Variants in CLUL1 observed in about 807,000 individuals in gnomAD.
CLUL1 encodes the protein clusterin like 1.
In CLUL1, 43 loss-of-function variants were observed where a neutral mutation model predicts 49.4. That is an observed-to-expected ratio of 0.87 (90% CI 0.68 to 1.12). The LOEUF is 1.12. Ranked by LOEUF, CLUL1 falls within the 50% of genes most tolerant of loss-of-function variation. CLUL1 has a pLI of 0.00. For missense variants in CLUL1, 486 were observed against 544.4 expected (o/e 0.89, Z 1.07); for synonymous variants, 192 against 184.9 (o/e 1.04, Z -0.31).
Position 641,505 on chromosome 18 carries a change from G to A in CLUL1, c.1173G>A (p.Gln391=). The change falls in exon 8 of 10, where the codon CAG becomes CAA. Residue 391 remains glutamine, a synonymous_variant. Coordinates refer to ENST00000692774, the MANE Select transcript of CLUL1 (RefSeq NM_001393344.1). ...QFGWVSELAN[Q]APETEIIFNS... ...GCTGGGTGTCTGAACTGGCAAACCA[G>A]GCCCCAGAAACAGAGATCATCTTTA... The A allele has an allele frequency of 6.2e-7, 1 of 1,614,184 alleles. No individual in the cohort carries two copies.
intron 7 of CLUL1, among the ~76,000 whole-genome samples, chr18:638,727 A>G (rs148547605): frequency 0.14 from 21,015 of 151,730 alleles, 2,165 homozygotes; most frequent in African/African-American, 0.29. Context: ...GTGTGGTGGT[A>G]CGCACCTGTA....
intron 1 of CLUL1, among the ~76,000 whole-genome samples, chr18:600,079 G>C (rs954515816): frequency 6.6e-6 from 1 of 152,134 alleles, no homozygotes; most frequent in Admixed American, 6.5e-5. Flanking sequence ...GCAAACTGTT[G>C]TTAGATGGAT....
chr18:641,364 C>G lies in CLUL1; in HGVS notation c.1032C>G (p.Asp344Glu), dbSNP rs377720241. 1 of 1,614,036 alleles carries G rather than the reference C, an allele frequency of 6.2e-7. No homozygotes were observed. The highest frequency in any genetic ancestry group is 1.3e-5 in the African/African-American group (1 of 74,920). The change falls in exon 8 of 10, where the codon GAC becomes GAG. Residue 344 changes from aspartate (D) to glutamate (E), a missense_variant. Physicochemically the swap from Asp to Glu is conservative, Grantham distance 45 (BLOSUM62 2). Transcript: ENST00000692774. ...PDVPALHTEL[D>E]EAIRLVNVSN... ...TACCTGCTCTGCACACAGAATTAGA[C>G]GAGGCGATCAGGTTGGTCAATGTAT...
intron 1 of CLUL1, among the ~76,000 whole-genome samples, chr18:604,897 AT>A (rs536563842): frequency 6.0e-4 from 92 of 152,342 alleles, no homozygotes; most frequent in African/African-American, 2.2e-3. Context: ...TAAGGCATGA[AT>A]TCCTGGTGGC....
At chr18:631,229 A>T (rs950754237) in intron 6 of CLUL1, among the ~76,000 whole-genome samples, 3 of 152,124 alleles carry the variant, frequency 2.0e-5, no homozygotes, top group Non-Finnish European at 4.4e-5. Context: ...TTTCTTTCCT[A>T]CCTTGGTCTT....
At position 646,497 on chromosome 18, in the gene CLUL1, G is replaced by C. The variant is rs73943344; in HGVS notation, c.1397+1400G>C. Among the ~76,000 whole-genome samples, 432 of 141,358 alleles carry C rather than the reference G, an allele frequency of 3.1e-3. 3 individuals carry two copies. Among genetic ancestry groups the C allele is most frequent in the African/African-American group, 0.011 (400 of 37,344 alleles). The allele number at this position is 141,358 out of a possible 152,430, so 92.7% of individuals were successfully genotyped here. ...AACAGGGGCACAAGACAGATAGATAGACACACACACACACACACACACACA... is the reference window on the plus strand; with the variant it reads ...AACAGGGGCACAAGACAGATAGATACACACACACACACACACACACACACA... On this transcript the variant is annotated intron_variant, in intron 9 of 9. Coordinates refer to ENST00000692774, the MANE Select transcript of CLUL1 (RefSeq NM_001393344.1).
intron 2 of CLUL1, among the ~76,000 whole-genome samples, chr18:609,131 T>C (rs1388347728): frequency 2.6e-5 from 4 of 152,178 alleles, no homozygotes; most frequent in Non-Finnish European, 5.9e-5. Flanking sequence ...CATATACACC[T>C]TATACACGTA....
At position 606,980 on chromosome 18, in the gene CLUL1, T is replaced by A; in HGVS notation, c.-133T>A. ...CTTTTTTCTTTTCTTTTCTTTAGAG[T>A]TGCGTCCCTCTCGGTTGCCAGGCTG... On this transcript the variant is annotated splice_region_variant and 5_prime_UTR_variant, in exon 2 of 10. In the 5' UTR this introduces an upstream ATG that the reference lacks. Transcript: ENST00000692774. This position sits in a 1 kb window ranked among gnomAD's most constrained non-coding sequence, Gnocchi z 4.1. The A allele has an allele frequency of 1.5e-6, 1 of 645,814 alleles. No homozygotes were observed. The highest frequency in any genetic ancestry group is 2.8e-6 in the Non-Finnish European group (1 of 361,718). The allele number at this position is 645,814 out of a possible 1,614,324, so 40.0% of individuals were successfully genotyped here.
chr18:645,771 G>A (rs1211288181), intron 9 of CLUL1, among the ~76,000 whole-genome samples: 1 of 104,866 alleles, frequency 9.5e-6, no homozygotes, highest in Admixed American at 1.2e-4. Context: ...TCCAGCCTGG[G>A]CGACAGAGCG....
chr18:634,317 G>C (rs1191263142), intron 7 of CLUL1, among the ~76,000 whole-genome samples: 1 of 152,036 alleles, frequency 6.6e-6, no homozygotes, highest in Non-Finnish European at 1.5e-5. Flanking sequence ...ATTTTTAGTA[G>C]GGACGAGGGT....
rs1472914937 is a variant in CLUL1 at position 606,141 on chromosome 18, C to T, written c.-135-837C>T. ...GGGTGGCAGGAAGAACACCCCTCCC[C>T]CAGATGGTATTTAGCGCCTCTGGCT... On this transcript the variant is annotated intron_variant, in intron 1 of 9. Transcript: ENST00000692774. The surrounding 1 kb of genome is among the most constrained non-coding windows in gnomAD (Gnocchi z 4.1). Among the ~76,000 whole-genome samples, 1 of 152,164 alleles carries T rather than the reference C, an allele frequency of 6.6e-6. No individual in the cohort carries two copies. The highest frequency in any genetic ancestry group is 1.5e-5 in the Non-Finnish European group (1 of 68,020).
At chr18:628,921 C>T (rs1382588730) in intron 6 of CLUL1, among the ~76,000 whole-genome samples, 68 of 148,228 alleles carry the variant, frequency 4.6e-4, no homozygotes, top group Non-Finnish European at 1.2e-4. Context: ...GCATGAGCCA[C>T]CACACCCAGC....
At position 618,452 on chromosome 18, in the gene CLUL1, TTAGAG is replaced by T. The variant is rs748449593; in HGVS notation, c.106+349_106+353del. Among the ~76,000 whole-genome samples, 1 of 152,186 alleles carries T rather than the reference TTAGAG, an allele frequency of 6.6e-6. No individual in the cohort carries two copies. Among genetic ancestry groups the T allele is most frequent in the Admixed American group, 6.5e-5 (1 of 15,280 alleles). ...TCTAGCATTTGAAAAATTTAAACCA[TTAGAG>T]TAATCTGTGCAATTGTTCTTAAACT... On this transcript the variant is annotated intron_variant, in intron 3 of 9. Transcript: ENST00000692774. The surrounding 1 kb of genome is among the most constrained non-coding windows in gnomAD (Gnocchi z 4.2).
At position 598,669 on chromosome 18, in the gene CLUL1, C is replaced by T. The variant is rs1439319051; in HGVS notation, c.-136+1540C>T. ...TGAGTTCTTGGATGGTTTTCTACAG[C>T]TGGTCCAGATTTTCCATGGGCTCAC... On this transcript the variant is annotated intron_variant, in intron 1 of 9. Transcript: ENST00000692774. 2.0e-5 allele frequency: 8 copies of T among 397,844 alleles called. No homozygotes were observed. The South Asian group carries it at 3.9e-4, about 19-fold the overall frequency. 24.6% of individuals were successfully genotyped at this position (397,844 alleles called of 1,614,324 possible).
intron 1 of CLUL1, chr18:598,423 G>A (rs1021267299): frequency 1.3e-5 from 5 of 396,864 alleles, no homozygotes; most frequent in Non-Finnish European, 2.2e-5. Context: ...GACGCTTTGT[G>A]AGTCTTCCTT....
chr18:644,833 A>C, intron 8 of CLUL1, 77 bp from the exon 9 acceptor site: 1 of 1,144,356 alleles, frequency 8.7e-7, no homozygotes, highest in East Asian at 2.5e-5. Flanking sequence ...GCCTATCCTG[A>C]CTAAGGTGGT....
intron 6 of CLUL1, among the ~76,000 whole-genome samples, chr18:632,909 C>G (rs947468728): frequency 3.3e-5 from 5 of 152,146 alleles, no homozygotes; most frequent in African/African-American, 1.2e-4. Flanking sequence ...AATCCCAGCA[C>G]TTTGGGAGGC....
rs1567967582 is a variant in CLUL1 at position 627,159 on chromosome 18, A to G, written c.486A>G (p.Lys162=). 1 of 1,612,798 alleles carries G rather than the reference A, an allele frequency of 6.2e-7. No individual in the cohort carries two copies. The highest frequency in any genetic ancestry group is 2.2e-5 in the East Asian group (1 of 44,850). Residue 162 remains lysine, a synonymous_variant, in exon 6 of 10, where the codon AAA becomes AAG. Coordinates refer to ENST00000692774, the MANE Select transcript of CLUL1 (RefSeq NM_001393344.1). ...FLFPFHEDNE[K]DLPISEKLIE... ...TTCCTTTCCATGAAGATAATGAAAA[A>G]GATCTCCCCATCAGTGAAAAGCTCA...
At chr18:639,205 T>C (rs2074254768) in intron 7 of CLUL1, among the ~76,000 whole-genome samples, 1 of 145,866 alleles carries the variant, frequency 6.9e-6, no homozygotes, top group Admixed American at 6.9e-5. Flanking sequence ...GGCAGGCGGA[T>C]CACGAGGTCA....
Sources: allele counts gnomAD v4.1 joint callset (sites outside exome capture counted in the v4.1 genomes callset), GRCh38; gene constraint gnomAD v4.1.1; non-coding constraint Gnocchi (gnomAD v3.1); transcripts MANE v1.5; gene names NCBI Gene and HGNC (gene_info 2026-07-23, HGNC 2026-07-21).